The following PRR5 variants were observed in gnomAD, a reference collection of about 807,000 sequenced individuals.
The protein encoded by PRR5 is proline-rich protein 5.
Under a neutral mutation model 30.6 loss-of-function variants are expected in PRR5, and 25 were observed. The observed-to-expected ratio is 0.82, with a 90% confidence interval of 0.60 to 1.14. PRR5 has a LOEUF of 1.14. PRR5 is among the 50% of genes most tolerant of loss of function. PRR5 has a pLI of 0.00. For missense variants in PRR5, 600 were observed against 547.1 expected (o/e 1.10, Z -0.96); for synonymous variants, 286 against 247.1 (o/e 1.16, Z -1.48).
intron 1 of PRR5, 33 bp downstream of exon 1, chr22:44,702,641 C>T: frequency 7.9e-7 from 1 of 1,263,700 alleles, no homozygotes. Flanking sequence ...ACCCGGAGGC[C>T]CTGGAGCCGG....
intron 1 of PRR5, chr22:44,679,741 G>A: frequency 5.0e-6 from 7 of 1,405,254 alleles, no homozygotes; most frequent in Non-Finnish European, 6.8e-6. Context: ...GTAAGACTCA[G>A]CCTCCCCGCT....
chr22:44,731,670 T>C, intron 4 of PRR5, 60 bp from the exon 5 acceptor site: 2 of 1,546,154 alleles, frequency 1.3e-6, no homozygotes, highest in Non-Finnish European at 1.8e-6. Flanking sequence ...CCATCCTGGG[T>C]GAGTGGAGGC....
chr22:44,684,657 C>T (rs1175991396), intron 1 of PRR5, among the ~76,000 whole-genome samples: 1 of 152,208 alleles, frequency 6.6e-6, no homozygotes, highest in Non-Finnish European at 1.5e-5. Flanking sequence ...CCTGGTGTTG[C>T]CCAGCTTGCA....
intron 4 of PRR5, 73 bp from the exon 5 acceptor site, chr22:44,731,657 G>T: frequency 6.8e-7 from 1 of 1,474,226 alleles, no homozygotes; most frequent in South Asian, 1.1e-5. Context: ...ATCCTCTGAT[G>T]ACCCATCCTG....
intron 6 of PRR5, among the ~76,000 whole-genome samples, chr22:44,733,307 G>A (rs529983112): frequency 4.6e-5 from 7 of 152,340 alleles, no homozygotes; most frequent in South Asian, 4.1e-4. Flanking sequence ...AGTCACTGCC[G>A]GCCACCCCAT....
upstream of PRR5, among the ~76,000 whole-genome samples, chr22:44,697,786 C>A (rs974206597): frequency 1.3e-5 from 2 of 152,252 alleles, no homozygotes; most frequent in African/African-American, 4.8e-5. Context: ...TACGCCTCGG[C>A]CTCCCTGGGC....
intron 1 of PRR5, among the ~76,000 whole-genome samples, chr22:44,678,910 C>T (rs1288533507): frequency 2.0e-5 from 3 of 152,176 alleles, no homozygotes; most frequent in South Asian, 2.1e-4. Context: ...CACGAGTGAG[C>T]GACAGACATC....
At chr22:44,735,802 G>A (rs1298924587) in intron 7 of PRR5, among the ~76,000 whole-genome samples, 5 of 152,204 alleles carry the variant, frequency 3.3e-5, no homozygotes, top group Non-Finnish European at 5.9e-5. Flanking sequence ...GGCCCGCTTG[G>A]GACTATGCCC....
At chr22:44,685,574 T>G (rs555767539) in intron 1 of PRR5, among the ~76,000 whole-genome samples, 1 of 147,226 alleles carries the variant, frequency 6.8e-6, no homozygotes, top group Non-Finnish European at 1.5e-5. Flanking sequence ...GCCACACCCC[T>G]CTCCCCAGTG....
At chr22:44,706,397 A>C (rs960409360) in intron 1 of PRR5, among the ~76,000 whole-genome samples, 3 of 152,194 alleles carry the variant, frequency 2.0e-5, no homozygotes, top group Non-Finnish European at 4.4e-5. Flanking sequence ...ATAAACAAGG[A>C]GGTAAGTAAA....
chr22:44,700,458 C>T (rs1481137757), upstream of PRR5, among the ~76,000 whole-genome samples: 1 of 152,020 alleles, frequency 6.6e-6, no homozygotes, highest in East Asian at 1.9e-4. Flanking sequence ...AGCGAAACGC[C>T]ATCACACACG....
chr22:44,676,330 G>A (rs1807872431), upstream of PRR5, among the ~76,000 whole-genome samples: 1 of 138,998 alleles, frequency 7.2e-6, no homozygotes, highest in Admixed American at 7.9e-5. Flanking sequence ...GGTCAAGGCT[G>A]CAGTGAGCTG....
chr22:44,727,632 C>T (rs1921087578), intron 4 of PRR5, among the ~76,000 whole-genome samples: 1 of 152,200 alleles, frequency 6.6e-6, no homozygotes, highest in South Asian at 2.1e-4. Flanking sequence ...AGCAGGCCAC[C>T]GGGTCCCGAA....
At chr22:44,676,390 C>CAA (rs59016907), upstream of PRR5, among the ~76,000 whole-genome samples, 3,421 of 36,398 alleles carry the variant, frequency 0.094, 313 homozygotes, top group African/African-American at 0.15. Context: ...GACCCTGTCT[C>CAA]AAAAAAAAAA....
At chr22:44,733,257 T>C (rs1922566787) in intron 6 of PRR5, among the ~76,000 whole-genome samples, 2 of 152,226 alleles carry the variant, frequency 1.3e-5, no homozygotes, top group Admixed American at 1.3e-4. Context: ...GCACCACACT[T>C]TGCAGTTGGC....
chr22:44,710,293 C>T (rs76736572), intron 1 of PRR5, among the ~76,000 whole-genome samples: 5 of 152,154 alleles, frequency 3.3e-5, no homozygotes, highest in South Asian at 2.1e-4. Context: ...GCACCCCCCC[C>T]CCAGCGCTCA....
Position 44,714,678 on chromosome 22 carries a change from G to T in PRR5, c.215+7G>T, listed in dbSNP as rs762851217. The T allele has an allele frequency of 6.2e-7, 1 of 1,613,720 alleles. No individual in the cohort carries two copies. The highest frequency in any genetic ancestry group is 2.2e-5 in the East Asian group (1 of 44,854). On this transcript the variant is annotated splice_region_variant and intron_variant, in intron 2 of 7. Coordinates refer to ENST00000336985, the MANE Select transcript of PRR5 (RefSeq NM_181333.4). ...GCCTCAACGAGGGCGTCCGGTGAGT[G>T]CCTGTCCCACCTTGGTCCAGGGTCC...
chr22:44,680,492 C>T (rs1032066906), intron 1 of PRR5, among the ~76,000 whole-genome samples: 1 of 152,170 alleles, frequency 6.6e-6, no homozygotes, highest in African/African-American at 2.4e-5. Flanking sequence ...GGGGTCCTGC[C>T]ACAGCCCAGC....
At chr22:44,709,104 T>C (rs1168957952) in intron 1 of PRR5, among the ~76,000 whole-genome samples, 1 of 151,490 alleles carries the variant, frequency 6.6e-6, no homozygotes, top group African/African-American at 2.4e-5. Flanking sequence ...GGCCAGAGGA[T>C]GTTGGCTGAA....
Sources: allele counts gnomAD v4.1 joint callset (sites outside exome capture counted in the v4.1 genomes callset), GRCh38; gene constraint gnomAD v4.1.1; transcripts MANE v1.5; gene names NCBI Gene and HGNC (gene_info 2026-07-23, HGNC 2026-07-21).